The following NOS1AP variants were observed in gnomAD, a reference collection of about 807,000 sequenced individuals.
NOS1AP encodes nitric oxide synthase 1 adaptor protein.
A neutral mutation model predicts 56.2 loss-of-function variants in NOS1AP; 21 were observed. The ratio of observed to expected loss-of-function variants is 0.37; its 90% CI spans 0.26 to 0.54. The LOEUF is 0.54. Among genes scored for constraint, NOS1AP ranks in the 20% least tolerant of loss-of-function variants. NOS1AP has a pLI of 0.84. For synonymous variants in NOS1AP, 270 were observed against 274.6 expected (o/e 0.98, Z 0.17); for missense variants, 522 against 657.8 (o/e 0.79, Z 2.26).
intron 1 of NOS1AP, among the ~76,000 whole-genome samples, chr1:162,129,265 T>C (rs1291030052): frequency 6.6e-6 from 1 of 152,138 alleles, no homozygotes; most frequent in Non-Finnish European, 1.5e-5. Context: ...AGGTCGCACA[T>C]GCCTTGTGTT....
intron 2 of NOS1AP, among the ~76,000 whole-genome samples, chr1:162,244,570 T>C (rs1396824801): frequency 6.6e-6 from 1 of 152,208 alleles, no homozygotes; most frequent in Non-Finnish European, 1.5e-5. Flanking sequence ...GAGCTAGGAA[T>C]AGAACCCAGG....
At chr1:162,131,162 G>T (rs1230536409) in intron 1 of NOS1AP, among the ~76,000 whole-genome samples, 2 of 152,064 alleles carry the variant, frequency 1.3e-5, no homozygotes, top group African/African-American at 2.4e-5. Context: ...TTGAACGCTT[G>T]CTTGTGTTCT....
chr1:162,357,045 C>T lies in NOS1AP; in HGVS notation c.848C>T (p.Thr283Ile), dbSNP rs777638374. 6.2e-7 allele frequency: 1 copy of T among 1,613,738 alleles called. No homozygotes were observed. The highest frequency in any genetic ancestry group is 2.2e-5 in the East Asian group (1 of 44,880). Residue 283 changes from threonine (T) to isoleucine (I), a missense_variant, in exon 8 of 10, where the codon ACA (threonine) becomes ATA (isoleucine). Thr to Ile is a moderately conservative substitution (Grantham distance 89, BLOSUM62 -1). Coordinates refer to ENST00000361897, the MANE Select transcript of NOS1AP (RefSeq NM_014697.3). Reference sequence around the variant, plus strand: ...TCCTCGAAGCCTCCAGGCCTGGGCACAGAGACACCGCTGTCCACTCACCAC... The same window carrying T: ...TCCTCGAAGCCTCCAGGCCTGGGCATAGAGACACCGCTGTCCACTCACCAC... ...SSSSKPPGLG[T>I]ETPLSTHHQM...
intron 2 of NOS1AP, among the ~76,000 whole-genome samples, chr1:162,233,203 AC>A (rs1199320834): frequency 6.6e-6 from 1 of 152,188 alleles, no homozygotes; most frequent in Non-Finnish European, 1.5e-5. Context: ...CAGGGATTAC[AC>A]TTTGAGAAGC....
rs577565614 is a variant in NOS1AP at position 162,272,626 on chromosome 1, G to A, written c.178-14718G>A. Among the ~76,000 whole-genome samples, 172 of 152,284 alleles carry A rather than the reference G, an allele frequency of 1.1e-3. 1 individual carries two copies. The highest frequency in any genetic ancestry group is 1.8e-3 in the Non-Finnish European group (120 of 68,012). On this transcript the variant is annotated intron_variant, in intron 2 of 9. Coordinates refer to ENST00000361897, the MANE Select transcript of NOS1AP (RefSeq NM_014697.3). ...CCTGCAGGCCTTTTCTCTACTGGCT[G>A]CTCAGGCATGTGCTCGTTATTTATC...
intron 1 of NOS1AP, among the ~76,000 whole-genome samples, chr1:162,114,531 C>T (rs550917786): frequency 2.5e-4 from 38 of 152,190 alleles, no homozygotes; most frequent in Middle Eastern, 3.4e-3. Context: ...ACAGCAATAC[C>T]TTGATTAGTG....
In NOS1AP at chr1:162,351,412, A is replaced by G. The variant is rs148287727; in HGVS notation, c.596-3775A>G. On this transcript the variant is annotated intron_variant, in intron 6 of 9. Transcript: ENST00000361897. Reference sequence around the variant, plus strand: ...GCCCTATGACACTGAACAGCACTGGAGAAAACTGCCACCCACAGACCGATT... The same window carrying G: ...GCCCTATGACACTGAACAGCACTGGGGAAAACTGCCACCCACAGACCGATT... Among the ~76,000 whole-genome samples, 682 of 152,318 alleles carry G rather than the reference A, an allele frequency of 4.5e-3. 14 individuals are homozygous for G. Among genetic ancestry groups the G allele is most frequent in the African/African-American group, 0.016 (657 of 41,558 alleles).
At chr1:162,186,194 A>G (rs1289619744) in intron 2 of NOS1AP, among the ~76,000 whole-genome samples, 1 of 152,214 alleles carries the variant, frequency 6.6e-6, no homozygotes, top group Non-Finnish European at 1.5e-5. Flanking sequence ...GGTTGGCACC[A>G]CGTTATAATG....
At chr1:162,327,565 C>T (rs1656631914) in intron 4 of NOS1AP, among the ~76,000 whole-genome samples, 1 of 152,166 alleles carries the variant, frequency 6.6e-6, no homozygotes, top group South Asian at 2.1e-4. Flanking sequence ...AAATCATGAA[C>T]ACTGAGAGCT....
chr1:162,169,630 A>G (rs1650669062), intron 2 of NOS1AP, among the ~76,000 whole-genome samples: 1 of 152,046 alleles, frequency 6.6e-6, no homozygotes, highest in Non-Finnish European at 1.5e-5. Flanking sequence ...CACAGAGGAG[A>G]CTGTGCATTG....
intron 1 of NOS1AP, among the ~76,000 whole-genome samples, chr1:162,121,681 G>C (rs561607804): frequency 6.6e-6 from 1 of 152,284 alleles, no homozygotes; most frequent in Non-Finnish European, 1.5e-5. Context: ...CTCAGTAAAT[G>C]TTAACTATTA....
intron 2 of NOS1AP, among the ~76,000 whole-genome samples, chr1:162,260,718 C>T (rs1440986978): frequency 1.3e-5 from 2 of 152,072 alleles, no homozygotes; most frequent in Non-Finnish European, 2.9e-5. Flanking sequence ...TTTTGCTGCT[C>T]CTTTTTCAGA....
At chr1:162,169,727 A>G (rs1420418148) in intron 2 of NOS1AP, among the ~76,000 whole-genome samples, 1 of 152,176 alleles carries the variant, frequency 6.6e-6, no homozygotes, top group Non-Finnish European at 1.5e-5. Context: ...CTCTATTCAA[A>G]AACTTTCAGT....
intron 2 of NOS1AP, among the ~76,000 whole-genome samples, chr1:162,269,761 A>T (rs529256686): frequency 2.1e-4 from 32 of 149,258 alleles, no homozygotes; most frequent in African/African-American, 7.6e-4. Context: ...TATAGATACC[A>T]TTTTTTTTTT....
intron 1 of NOS1AP, among the ~76,000 whole-genome samples, chr1:162,109,419 G>A (rs1207177471): frequency 6.6e-6 from 1 of 152,154 alleles, no homozygotes; most frequent in Non-Finnish European, 1.5e-5. Context: ...TCTTTTAAAG[G>A]TGCATATTGA....
At chr1:162,086,446 G>A (rs2102019033) in intron 1 of NOS1AP, among the ~76,000 whole-genome samples, 1 of 152,278 alleles carries the variant, frequency 6.6e-6, no homozygotes, top group East Asian at 1.9e-4. Flanking sequence ...CCCACCCTGA[G>A]TAGCTTTCCC....
chr1:162,177,219 T>G (rs1651094767), intron 2 of NOS1AP, among the ~76,000 whole-genome samples: 1 of 152,206 alleles, frequency 6.6e-6, no homozygotes, highest in African/African-American at 2.4e-5. Context: ...GGAATAGCCC[T>G]GGAGTCAGGG....
chr1:162,076,122 A>G (rs1388169366), intron 1 of NOS1AP, among the ~76,000 whole-genome samples: 1 of 152,132 alleles, frequency 6.6e-6, no homozygotes, highest in Non-Finnish European at 1.5e-5. Flanking sequence ...TCAAACTTTC[A>G]GAATGCTTTC....
intron 1 of NOS1AP, among the ~76,000 whole-genome samples, chr1:162,145,376 C>G (rs988717327): frequency 6.6e-6 from 1 of 152,236 alleles, no homozygotes. Context: ...CACCCTAGCA[C>G]CTGGAGAGCC....
Sources: allele counts gnomAD v4.1 joint callset (sites outside exome capture counted in the v4.1 genomes callset), GRCh38; gene constraint gnomAD v4.1.1; transcripts MANE v1.5; gene names NCBI Gene and HGNC (gene_info 2026-07-23, HGNC 2026-07-21).